Variants in TRHDE observed in about 807,000 individuals in gnomAD.
TRHDE encodes the protein thyrotropin-releasing hormone-degrading ectoenzyme.
In TRHDE, 72 loss-of-function variants were observed where a neutral mutation model predicts 125.7. That is an observed-to-expected ratio of 0.57 (90% CI 0.47 to 0.70). TRHDE has a LOEUF of 0.70. Among genes scored for constraint, TRHDE ranks in the 30% least tolerant of loss-of-function variants. The pLI, the probability that TRHDE is intolerant of heterozygous loss-of-function variation, is 0.00. For synonymous variants in TRHDE, 509 were observed against 509.1 expected, an observed-to-expected ratio of 1.00 and a Z score of 0.00; for missense variants, 1,110 against 1,327.1, an observed-to-expected ratio of 0.84 and a Z score of 2.54.
At chr12:72,416,947 G>T (rs1485500179) in intron 3 of TRHDE, among the ~76,000 whole-genome samples, 1 of 151,944 alleles carries the variant, frequency 6.6e-6, no homozygotes, top group Non-Finnish European at 1.5e-5. Flanking sequence ...TCAGCAGATT[G>T]CTTTGCATAA....
intron 5 of TRHDE, among the ~76,000 whole-genome samples, chr12:72,484,874 ATAAC>A (rs1877330858): frequency 6.6e-6 from 1 of 152,188 alleles, no homozygotes; most frequent in Non-Finnish European, 1.5e-5. Context: ...TTTGACCAAA[ATAAC>A]TAAAAGAGAG....
intron 2 of TRHDE, among the ~76,000 whole-genome samples, chr12:72,177,605 AT>A (rs144808045): frequency 6.6e-6 from 1 of 151,528 alleles, no homozygotes; most frequent in Non-Finnish European, 1.5e-5. Flanking sequence ...CTAAAAGCCA[AT>A]TTTTTTTTCT....
intron 15 of TRHDE, among the ~76,000 whole-genome samples, chr12:72,645,654 G>A (rs1027312622): frequency 6.6e-6 from 1 of 152,044 alleles, no homozygotes; most frequent in Non-Finnish European, 1.5e-5. Flanking sequence ...CTAAGGAAAT[G>A]TACATCAAGA....
chr12:72,323,678 A>G (rs1306392507), intron 2 of TRHDE, among the ~76,000 whole-genome samples: 2 of 152,132 alleles, frequency 1.3e-5, no homozygotes. Context: ...ATGTGAACGG[A>G]GCCTATCCAA....
chr12:72,556,212 G>A (rs1487380132), intron 7 of TRHDE, among the ~76,000 whole-genome samples: 4 of 151,992 alleles, frequency 2.6e-5, no homozygotes, highest in African/African-American at 4.8e-5. Context: ...TTCTTACTAC[G>A]GGTTGCCAAG....
At chr12:72,164,806 A>G (rs758219249) in intron 2 of TRHDE, among the ~76,000 whole-genome samples, 34 of 152,316 alleles carry the variant, frequency 2.2e-4, no homozygotes, top group African/African-American at 7.5e-4. Context: ...TCAATCCCCT[A>G]TAAGTCCTGT....
At chr12:72,427,192 A>G (rs1874225357) in intron 3 of TRHDE, among the ~76,000 whole-genome samples, 1 of 152,066 alleles carries the variant, frequency 6.6e-6, no homozygotes, top group Admixed American at 6.6e-5. Context: ...TTCAGGTTAT[A>G]GTTTGCCAAC....
At chr12:72,301,089 T>C (rs1795198301) in intron 2 of TRHDE, among the ~76,000 whole-genome samples, 1 of 152,190 alleles carries the variant, frequency 6.6e-6, no homozygotes, top group Non-Finnish European at 1.5e-5. Context: ...GATCCTGTCG[T>C]ATCAGTGAGA....
intron 2 of TRHDE, among the ~76,000 whole-genome samples, chr12:72,237,794 T>C (rs1878363742): frequency 6.6e-6 from 1 of 152,162 alleles, no homozygotes; most frequent in African/African-American, 2.4e-5. Context: ...AGTAACTCTA[T>C]AGCAGTGCAG....
At chr12:72,301,978 C>T (rs1868269266) in intron 2 of TRHDE, among the ~76,000 whole-genome samples, 1 of 152,202 alleles carries the variant, frequency 6.6e-6, no homozygotes, top group Non-Finnish European at 1.5e-5. Context: ...CATAGTGCTA[C>T]AGTGGAAAGT....
intron 18 of TRHDE, among the ~76,000 whole-genome samples, chr12:72,662,381 G>T (rs1298399471): frequency 6.6e-6 from 1 of 152,036 alleles, no homozygotes; most frequent in Admixed American, 6.6e-5. Flanking sequence ...AAAAAATATG[G>T]CAAAACATTT....
chr12:72,434,310 G>A (rs776974058), intron 3 of TRHDE, among the ~76,000 whole-genome samples: 1 of 151,148 alleles, frequency 6.6e-6, no homozygotes. Flanking sequence ...ACTTGACCCC[G>A]GGAGGCAGAG....
chr12:72,359,185 A>T (rs573941554), intron 2 of TRHDE, among the ~76,000 whole-genome samples: 3 of 151,494 alleles, frequency 2.0e-5, no homozygotes, highest in Non-Finnish European at 4.4e-5. Flanking sequence ...CACAAGAAAA[A>T]AAAACATATC....
chr12:72,319,046 C>T (rs1868950595), intron 2 of TRHDE, among the ~76,000 whole-genome samples: 1 of 152,068 alleles, frequency 6.6e-6, no homozygotes, highest in Non-Finnish European at 1.5e-5. Flanking sequence ...GACGGTGTAC[C>T]ATGGCTTGGG....
chr12:72,512,492 T>C (rs1055179417), intron 6 of TRHDE, among the ~76,000 whole-genome samples: 3 of 139,168 alleles, frequency 2.2e-5, no homozygotes, highest in Non-Finnish European at 4.6e-5. Flanking sequence ...ATAATAATAA[T>C]ATATTATATA....
chr12:72,447,543 C>T (rs1875356020), intron 3 of TRHDE, among the ~76,000 whole-genome samples: 1 of 152,028 alleles, frequency 6.6e-6, no homozygotes. Flanking sequence ...TGATTCTTAA[C>T]CAAAAGCATT....
chr12:72,213,738 C>A (rs1325719364), intron 2 of TRHDE, among the ~76,000 whole-genome samples: 1 of 152,060 alleles, frequency 6.6e-6, no homozygotes, highest in East Asian at 1.9e-4. Context: ...CATGCCATAA[C>A]ATAAAACAAA....
chr12:72,129,137 T>C (rs1007358051), intron 2 of TRHDE, among the ~76,000 whole-genome samples: 14 of 152,094 alleles, frequency 9.2e-5, no homozygotes, highest in African/African-American at 3.4e-4. Context: ...AAGAAAAAAG[T>C]CCACTTGGAA....
intron 3 of TRHDE, among the ~76,000 whole-genome samples, chr12:72,466,700 A>G (rs557805175): frequency 1.2e-4 from 19 of 152,114 alleles, no homozygotes; most frequent in Non-Finnish European, 2.2e-4. Flanking sequence ...GGGCCTTTGC[A>G]TTTGTTGTCG....
Sources: gnomAD v4.1 joint callset for allele counts (sites outside exome capture counted in the v4.1 genomes callset) on GRCh38, gnomAD v4.1.1 for gene constraint, MANE v1.5 for transcripts, NCBI Gene and HGNC (gene_info 2026-07-23, HGNC 2026-07-21) for gene names.